EFCAB5: variants seen among roughly 807,000 people sequenced by gnomAD.
EFCAB5 encodes EF-hand calcium binding domain 5, also known as EF-hand calcium-binding domain-containing protein 5.
EFCAB5 carries 131 observed loss-of-function variants against 167.9 expected under a neutral mutation model. That is an observed-to-expected ratio of 0.78 (90% CI 0.68 to 0.90). The LOEUF (loss-of-function observed/expected upper bound fraction) is 0.90. Among genes scored for constraint, EFCAB5 ranks in the 40% least tolerant of loss-of-function variants. The pLI is 0.00. For synonymous variants in EFCAB5, 574 were observed against 602.8 expected (o/e 0.95, Z 0.70); for missense variants, 1,663 against 1,745.2 (o/e 0.95, Z 0.84).
chr17:30,043,935 A>G (rs768070044), intron 8 of EFCAB5, among the ~76,000 whole-genome samples: 3 of 152,230 alleles, frequency 2.0e-5, no homozygotes, highest in Non-Finnish European at 2.9e-5. Context: ...TTGACAAAAA[A>G]TAGACATCAC....
intron 4 of EFCAB5, among the ~76,000 whole-genome samples, chr17:29,984,440 C>A (rs1013505765): frequency 6.6e-6 from 1 of 151,964 alleles, no homozygotes. Flanking sequence ...CTCATTAAGG[C>A]CAGGCGTGGT....
intron 8 of EFCAB5, among the ~76,000 whole-genome samples, chr17:30,045,483 A>G (rs2069899092): frequency 1.3e-5 from 2 of 150,830 alleles, no homozygotes; most frequent in Non-Finnish European, 3.0e-5. Context: ...AAAAAGAGAC[A>G]TAAGGGAGCT....
At chr17:30,027,406 G>A (rs912178150) in intron 7 of EFCAB5, among the ~76,000 whole-genome samples, 5 of 147,182 alleles carry the variant, frequency 3.4e-5, no homozygotes, top group African/African-American at 1.3e-4. Flanking sequence ...GTATACCACA[G>A]AATATGAACT....
At chr17:29,964,526 C>T (rs2067787878) in intron 3 of EFCAB5, among the ~76,000 whole-genome samples, 1 of 152,154 alleles carries the variant, frequency 6.6e-6, no homozygotes, top group Non-Finnish European at 1.5e-5. Flanking sequence ...AACTCCTGAC[C>T]TCATGATCTG....
chr17:30,046,129 A>G (rs940182434), intron 8 of EFCAB5, among the ~76,000 whole-genome samples: 30 of 152,344 alleles, frequency 2.0e-4, no homozygotes, highest in African/African-American at 7.0e-4. Flanking sequence ...ATTGACTAAG[A>G]AATAGTAAGG....
intron 3 of EFCAB5, among the ~76,000 whole-genome samples, chr17:29,947,464 G>A (rs1408940836): frequency 1.3e-5 from 2 of 152,064 alleles, no homozygotes; most frequent in Non-Finnish European, 2.9e-5. Flanking sequence ...TGCATATTGG[G>A]TACAATGTAT....
chr17:29,948,873 C>T (rs1014795952), intron 3 of EFCAB5, among the ~76,000 whole-genome samples: 1 of 152,202 alleles, frequency 6.6e-6, no homozygotes, highest in Admixed American at 6.5e-5. Flanking sequence ...CTGCCTTTTC[C>T]TTTATCTATT....
At chr17:30,081,269 C>A (rs1487649537) in intron 17 of EFCAB5, among the ~76,000 whole-genome samples, 1 of 152,166 alleles carries the variant, frequency 6.6e-6, no homozygotes, top group Non-Finnish European at 1.5e-5. Context: ...AACCATTGAC[C>A]ATTAAGACCC....
At chr17:30,072,787 C>T (rs2070773696) in intron 14 of EFCAB5, among the ~76,000 whole-genome samples, 1 of 152,102 alleles carries the variant, frequency 6.6e-6, no homozygotes. Context: ...CTGTCAGGCC[C>T]CTCCACTTTA....
intron 7 of EFCAB5, among the ~76,000 whole-genome samples, chr17:30,010,551 T>A (rs1380921381): frequency 1.3e-5 from 2 of 152,262 alleles, no homozygotes; most frequent in African/African-American, 4.8e-5. Flanking sequence ...ATTTCTCTGA[T>A]GACCAGTGAT....
intron 8 of EFCAB5, among the ~76,000 whole-genome samples, chr17:30,042,782 T>C (rs1328580970): frequency 6.6e-6 from 1 of 152,174 alleles, no homozygotes; most frequent in African/African-American, 2.4e-5. Flanking sequence ...ACTTCCCAAC[T>C]CATTTTATGG....
At chr17:30,037,438 C>T (rs9900974) in intron 8 of EFCAB5, among the ~76,000 whole-genome samples, 77,698 of 151,926 alleles carry the variant, frequency 0.51, 20,253 homozygotes, top group African/African-American at 0.57. Context: ...TCAACAAGTA[C>T]TGTGGCTGGC....
chr17:30,066,234 G>T (rs1269480078), intron 14 of EFCAB5, among the ~76,000 whole-genome samples: 1 of 151,810 alleles, frequency 6.6e-6, no homozygotes, highest in East Asian at 1.9e-4. Flanking sequence ...AAATTTAAAG[G>T]AATTGAAATC....
intron 14 of EFCAB5, among the ~76,000 whole-genome samples, chr17:30,071,935 G>A (rs2070746870): frequency 6.6e-6 from 1 of 152,188 alleles, no homozygotes; most frequent in Non-Finnish European, 1.5e-5. Flanking sequence ...ATATGTTGAA[G>A]CTAAAAAAGT....
chr17:30,090,808 C>T (rs2071181744), intron 20 of EFCAB5, 134 bp downstream of exon 20: 11 of 1,286,162 alleles, frequency 8.6e-6, no homozygotes, highest in Middle Eastern at 3.8e-4. Context: ...AAAAGGAATT[C>T]CCTTATGCAG....
chr17:30,098,747 C>A (rs1174599817), intron 22 of EFCAB5, among the ~76,000 whole-genome samples: 2 of 152,182 alleles, frequency 1.3e-5, no homozygotes, highest in Admixed American at 6.5e-5. Context: ...GTTATCACCA[C>A]TATCTAATTT....
chr17:30,041,187 G>A (rs1273269364), intron 8 of EFCAB5, among the ~76,000 whole-genome samples: 1 of 149,414 alleles, frequency 6.7e-6, no homozygotes, highest in Non-Finnish European at 1.5e-5. Context: ...CGAAAGAAAG[G>A]AAGGAAGGAA....
At chr17:29,984,909 T>C (rs1309276648) in intron 4 of EFCAB5, among the ~76,000 whole-genome samples, 1 of 152,178 alleles carries the variant, frequency 6.6e-6, no homozygotes, top group Non-Finnish European at 1.5e-5. Context: ...TAGATTTTAG[T>C]AGTTTCTTTG....
intron 9 of EFCAB5, 109 bp from the exon 10 acceptor site, chr17:30,053,146 C>A: frequency 4.8e-6 from 6 of 1,237,468 alleles, no homozygotes; most frequent in Non-Finnish European, 5.6e-6. Flanking sequence ...GAGCAATAGG[C>A]CTATATTACA....
Sources: allele counts gnomAD v4.1 joint callset (sites outside exome capture counted in the v4.1 genomes callset), GRCh38; gene constraint gnomAD v4.1.1; transcripts MANE v1.5; gene names NCBI Gene and HGNC (gene_info 2026-07-23, HGNC 2026-07-21).